The following TMPRSS9 variants were observed in gnomAD, a reference collection of about 807,000 sequenced individuals.
The protein encoded by TMPRSS9 is transmembrane protease serine 9.
In TMPRSS9, 113 loss-of-function variants were observed where a neutral mutation model predicts 111.4. The ratio of observed to expected loss-of-function variants is 1.01; its 90% CI spans 0.87 to 1.19. The LOEUF (loss-of-function observed/expected upper bound fraction) is 1.19, where lower values mean the gene tolerates loss of function less well. TMPRSS9 is among the 50% of genes most tolerant of loss of function. The pLI is 0.00. For missense variants in TMPRSS9, 1,803 were observed against 1,513.1 expected (o/e 1.19, Z -3.18); for synonymous variants, 805 against 659.1 (o/e 1.22, Z -3.39).
intron 1 of TMPRSS9, among the ~76,000 whole-genome samples, chr19:2,362,293 C>A (rs1450540600): frequency 6.6e-6 from 1 of 151,366 alleles, no homozygotes; most frequent in East Asian, 1.9e-4. Flanking sequence ...TGTGTGGTTG[C>A]GTATAGTTAT....
intron 1 of TMPRSS9, among the ~76,000 whole-genome samples, chr19:2,364,882 A>G (rs928566047): frequency 7.9e-5 from 12 of 151,918 alleles, no homozygotes; most frequent in Admixed American, 3.3e-4. Context: ...GGGAGGCTGA[A>G]GCAGGAGAAT....
intron 9 of TMPRSS9, among the ~76,000 whole-genome samples, chr19:2,412,557 T>C (rs1971119213): frequency 6.6e-6 from 1 of 152,192 alleles, no homozygotes; most frequent in Non-Finnish European, 1.5e-5. Context: ...TCATTTATCC[T>C]TTGTGGTTGC....
upstream of TMPRSS9, among the ~76,000 whole-genome samples, chr19:2,388,857 C>T (rs1054005270): frequency 1.3e-5 from 2 of 151,932 alleles, no homozygotes; most frequent in African/African-American, 4.8e-5. Context: ...CTCCTGGGCT[C>T]GAGCAATCCT....
exon 8 of TMPRSS9, chr19:2,408,463 T>C: frequency 6.2e-7 from 1 of 1,613,906 alleles, no homozygotes; most frequent in Non-Finnish European, 8.5e-7. Context: ...AAGCACCCCC[T>C]GTACAACGCG....
intron 1 of TMPRSS9, among the ~76,000 whole-genome samples, chr19:2,375,564 G>T (rs112373457): frequency 4.7e-4 from 58 of 123,600 alleles, no homozygotes; most frequent in African/African-American, 2.0e-3. Context: ...GGTGGGAACT[G>T]TGATTGGCAG....
intron 2 of TMPRSS9, among the ~76,000 whole-genome samples, chr19:2,396,943 C>T (rs552496084): frequency 8.0e-5 from 12 of 150,882 alleles, no homozygotes; most frequent in East Asian, 7.8e-4. Flanking sequence ...TTTCTTGAGA[C>T]GGAGTCTCAC....
intron 9 of TMPRSS9, among the ~76,000 whole-genome samples, chr19:2,412,541 C>T (rs551893988): frequency 6.6e-6 from 1 of 152,314 alleles, no homozygotes; most frequent in South Asian, 2.1e-4. Context: ...CAAAGACCTC[C>T]TGGTCTCATT....
chr19:2,375,827 C>T (rs554540393), intron 1 of TMPRSS9, among the ~76,000 whole-genome samples: 2 of 152,250 alleles, frequency 1.3e-5, no homozygotes, highest in African/African-American at 4.8e-5. Flanking sequence ...ACTGAAGGGA[C>T]AAAGCAGATC....
At chr19:2,397,199 G>A (rs1018246860) in intron 2 of TMPRSS9, among the ~76,000 whole-genome samples, 1 of 152,136 alleles carries the variant, frequency 6.6e-6, no homozygotes, top group African/African-American at 2.4e-5. Flanking sequence ...GGGATTACAG[G>A]CGTGAGTCAC....
At chr19:2,371,713 GA>G (rs367698324) in intron 1 of TMPRSS9, among the ~76,000 whole-genome samples, 75 of 130,972 alleles carry the variant, frequency 5.7e-4, no homozygotes, top group Non-Finnish European at 9.3e-4. Flanking sequence ...ACAAAACCAA[GA>G]AAAAAAAAAA....
chr19:2,368,611 A>T (rs561916683), intron 1 of TMPRSS9, among the ~76,000 whole-genome samples: 1 of 151,890 alleles, frequency 6.6e-6, no homozygotes, highest in South Asian at 2.1e-4. Flanking sequence ...AGACCCAGGG[A>T]GGGGAAGATG....
intron 1 of TMPRSS9, among the ~76,000 whole-genome samples, chr19:2,364,851 G>T (rs1447838320): frequency 6.6e-6 from 1 of 151,968 alleles, no homozygotes; most frequent in Non-Finnish European, 1.5e-5. Context: ...GCCGGGCCTG[G>T]TGGCGGGCGC....
chr19:2,409,139 A>G (rs921390917), intron 8 of TMPRSS9, among the ~76,000 whole-genome samples: 3 of 131,288 alleles, frequency 2.3e-5, no homozygotes, highest in Non-Finnish European at 4.9e-5. Flanking sequence ...TGCTACTGCG[A>G]TTTTTTTTTT....
chr19:2,360,590 G>C (rs376259201), intron 1 of TMPRSS9, among the ~76,000 whole-genome samples: 19 of 152,258 alleles, frequency 1.2e-4, no homozygotes, highest in Middle Eastern at 3.4e-3. Flanking sequence ...AGGTTGTGTA[G>C]ATGCGGCCAG....
chr19:2,395,926 T>C (rs1438320246), intron 1 of TMPRSS9, among the ~76,000 whole-genome samples: 1 of 152,148 alleles, frequency 6.6e-6, no homozygotes, highest in Non-Finnish European at 1.5e-5. Context: ...GAGAATGGCA[T>C]GAACCCGGGA....
intron 1 of TMPRSS9, among the ~76,000 whole-genome samples, chr19:2,362,022 T>A (rs900999758): frequency 2.0e-5 from 3 of 152,012 alleles, no homozygotes; most frequent in African/African-American, 4.8e-5. Flanking sequence ...GTGTGTGATG[T>A]GTGGTTGTGT....
At chr19:2,370,396 G>A (rs142638063) in intron 1 of TMPRSS9, among the ~76,000 whole-genome samples, 1 of 148,378 alleles carries the variant, frequency 6.7e-6, no homozygotes, top group East Asian at 2.0e-4. Flanking sequence ...ACTCCAGCCT[G>A]GGTGATAGAG....
At chr19:2,379,842 G>C (rs946431305) in intron 1 of TMPRSS9, among the ~76,000 whole-genome samples, 10 of 149,072 alleles carry the variant, frequency 6.7e-5, no homozygotes, top group Non-Finnish European at 1.0e-4. Flanking sequence ...CTGTAGTCTC[G>C]ACCTCCTTGG....
intron 1 of TMPRSS9, among the ~76,000 whole-genome samples, chr19:2,379,615 C>CTCTTTCTTCCTTTCTTTCTTTCTT (rs1555676513): frequency 2.0e-4 from 24 of 118,618 alleles, no homozygotes; most frequent in African/African-American, 6.7e-4. Context: ...AACTTTCTTT[C>CTCTTTCTTCCTTTCTTTCTTTCTT]TCTTTCTTTC....
Sources: gnomAD v4.1 joint callset for allele counts (sites outside exome capture counted in the v4.1 genomes callset) on GRCh38, gnomAD v4.1.1 for gene constraint, MANE v1.5 for transcripts, NCBI Gene and HGNC (gene_info 2026-07-23, HGNC 2026-07-21) for gene names.